The following STAB2 variants were observed in gnomAD, a reference collection of about 807,000 sequenced individuals.
STAB2 encodes the protein stabilin 2.
STAB2 carries 288 observed loss-of-function variants against 338.1 expected under a neutral mutation model. The ratio of observed to expected loss-of-function variants is 0.85; its 90% CI spans 0.77 to 0.94. The LOEUF is 0.94. STAB2 is among the 40% of genes least tolerant of loss of function. STAB2 has a pLI of 0.00. For synonymous variants in STAB2, 1,202 were observed against 1,193.3 expected, an observed-to-expected ratio of 1.01 and a Z score of -0.15; for missense variants, 3,141 against 3,210.1, an observed-to-expected ratio of 0.98 and a Z score of 0.52.
intron 68 of STAB2, 81 bp downstream of exon 68, chr12:103,763,689 C>A: frequency 2.4e-6 from 3 of 1,260,130 alleles, no homozygotes; most frequent in Non-Finnish European, 2.3e-6. Context: ...CAGTGGAGAT[C>A]TTTGTACCAA....
chr12:103,655,855 G>GTTGGT (rs1222332760), intron 15 of STAB2, among the ~76,000 whole-genome samples: 1 of 152,150 alleles, frequency 6.6e-6, no homozygotes, highest in East Asian at 1.9e-4. Context: ...GGCCTAAATG[G>GTTGGT]TTGGTTTGAT....
chr12:103,730,560 G>T (rs1316751100), intron 49 of STAB2, among the ~76,000 whole-genome samples: 1 of 152,160 alleles, frequency 6.6e-6, no homozygotes, highest in Admixed American at 6.5e-5. Context: ...TAAATTGACA[G>T]AAAATGTAAT....
In STAB2 at chr12:103,725,056, A is replaced by G. The variant is rs745609825; in HGVS notation, c.4765A>G (p.Ile1589Val). 13 of 1,613,710 alleles carry G rather than the reference A, an allele frequency of 8.1e-6. No individual in the cohort carries two copies. In the East Asian group the frequency reaches 2.5e-4, roughly 30 times the overall value. The part of the protein sequence containing the change: ...ERTCTCKPNY[I>V]GDGFTCRGSI... Reference sequence around the variant, plus strand: ...GACTTGTACTTGCAAGCCAAACTACATTGGAGATGGATTTACCTGCCGCGG... The same window carrying G: ...GACTTGTACTTGCAAGCCAAACTACGTTGGAGATGGATTTACCTGCCGCGG... Residue 1589 changes from isoleucine to valine, a missense_variant, in exon 45 of 69, where the codon ATT (isoleucine) becomes GTT (valine). Ile to Val is a conservative substitution (Grantham distance 29). Transcript: ENST00000388887.
chr12:103,705,650 T>G lies in STAB2; in HGVS notation c.3919T>G (p.Cys1307Gly). The G allele has an allele frequency of 1.9e-6, 3 of 1,614,198 alleles. No homozygotes were observed. The highest frequency in any genetic ancestry group is 2.5e-6 in the Non-Finnish European group (3 of 1,180,018). The change falls in exon 37 of 69, where the codon TGC (cysteine) becomes GGC (glycine). Residue 1307 changes from cysteine (C) to glycine (G), a missense_variant. By Grantham distance (159) the Cys-to-Gly change is radical (BLOSUM62 -3). Coordinates refer to ENST00000388887, the MANE Select transcript of STAB2 (RefSeq NM_017564.10). ...TKSLGNEKRR[C>G]IYTSYFMGRR... ...TTCACAGGGTAATGAGAAGAGGAGA[T>G]GCATCTATACCTCCTATTTCATGGG... is the stretch of plus-strand genomic sequence containing the variant.
Position 103,620,499 on chromosome 12 carries a change from T to A in STAB2, c.363T>A (p.Asn121Lys). ...CAGGTGGAGCGGGGTCACCCTGCAA[T>A]GGCAGAGGCAGTTGTGCTGAAGGCA... is the stretch of plus-strand genomic sequence containing the variant. ...ECPGGAGSPC[N>K]GRGSCAEGME... The change falls in exon 4 of 69, where the codon AAT becomes AAA. Residue 121 changes from asparagine (N) to lysine (K), a missense_variant. Coordinates refer to ENST00000388887, the MANE Select transcript of STAB2 (RefSeq NM_017564.10). 6.3e-7 allele frequency: 1 copy of A among 1,585,052 alleles called. No homozygotes were observed. Among genetic ancestry groups the A allele is most frequent in the Non-Finnish European group, 8.6e-7 (1 of 1,164,226 alleles).
chr12:103,648,975 G>A, intron 10 of STAB2, 152 bp downstream of exon 10: 2 of 1,047,606 alleles, frequency 1.9e-6, no homozygotes, highest in Non-Finnish European at 1.4e-6. Flanking sequence ...GAAAGGGCAG[G>A]CAGCTGTTTC....
At chr12:103,697,478 T>C (rs557345444) in intron 33 of STAB2, among the ~76,000 whole-genome samples, 1 of 152,378 alleles carries the variant, frequency 6.6e-6, no homozygotes, top group East Asian at 1.9e-4. Context: ...CAAAAAGTCC[T>C]ATAATCACCT....
chr12:103,755,841 C>A lies in STAB2; in HGVS notation c.6987+123C>A, dbSNP rs149012935. On this transcript the variant is annotated intron_variant, in intron 63 of 68. Transcript: ENST00000388887. ...AGTTAAGAGCATGGGTGCTGGACCA[C>A]CTTGCCTGAATCTAAAGCCTAGTTT... is the stretch of plus-strand genomic sequence containing the variant. 83 of 865,946 alleles carry A rather than the reference C, an allele frequency of 9.6e-5. 1 individual carries two copies. Among genetic ancestry groups the A allele is most frequent in the South Asian group, 3.4e-4 (21 of 61,584 alleles). The allele number at this position is 865,946 out of a possible 1,614,324, so 53.6% of individuals were successfully genotyped here.
At chr12:103,730,056 A>G in intron 48 of STAB2, 60 bp from the exon 49 acceptor site, 1 of 1,488,464 alleles carries the variant, frequency 6.7e-7, no homozygotes, top group Non-Finnish European at 8.9e-7. Context: ...TTCTGTGAGA[A>G]GCAATTTTGT....
At chr12:103,673,812 T>C in intron 22 of STAB2, 95 bp from the exon 23 acceptor site, 1 of 1,306,258 alleles carries the variant, frequency 7.7e-7, no homozygotes, top group Non-Finnish European at 1.0e-6. Flanking sequence ...GAGTGGGGGG[T>C]GAGAAGAGGT....
Position 103,693,773 on chromosome 12 carries a change from A to G in STAB2, c.3375+884A>G, listed in dbSNP as rs75592349. On this transcript the variant is annotated intron_variant, in intron 31 of 68. Transcript: ENST00000388887. Reference sequence around the variant, plus strand: ...ATATTAGGATCTTCATTTAAAATGAAAGTTGCAAGTTGGAATTTAGGGTAC... The same window carrying G: ...ATATTAGGATCTTCATTTAAAATGAGAGTTGCAAGTTGGAATTTAGGGTAC... Among the ~76,000 whole-genome samples, 362 of 152,330 alleles carry G rather than the reference A, an allele frequency of 2.4e-3. 9 individuals carry two copies. In the East Asian group the frequency reaches 0.067, roughly 28 times the overall value.
intron 36 of STAB2, among the ~76,000 whole-genome samples, chr12:103,705,240 T>C (rs1420785795): frequency 6.6e-6 from 1 of 152,236 alleles, no homozygotes; most frequent in Non-Finnish European, 1.5e-5. Context: ...TTATAATCTT[T>C]GTATGCAGCC....
intron 1 of STAB2, 22 bp downstream of exon 1, chr12:103,587,579 T>C (rs1565945721): frequency 6.3e-7 from 1 of 1,599,986 alleles, no homozygotes; most frequent in East Asian, 2.2e-5. Flanking sequence ...CTTACATATT[T>C]TTTTCATTTG....
chr12:103,601,713 C>T (rs1956957204), intron 3 of STAB2, among the ~76,000 whole-genome samples: 1 of 152,122 alleles, frequency 6.6e-6, no homozygotes, highest in African/African-American at 2.4e-5. Context: ...TATTTTCTTG[C>T]AACTATATTA....
chr12:103,753,163 G>A, intron 60 of STAB2, 57 bp from the exon 61 acceptor site: 1 of 1,601,428 alleles, frequency 6.2e-7, no homozygotes, highest in South Asian at 1.1e-5. Context: ...GTCCATTGTT[G>A]GAAACACTGC....
At chr12:103,591,789 A>C (rs1956801954) in intron 2 of STAB2, among the ~76,000 whole-genome samples, 1 of 152,200 alleles carries the variant, frequency 6.6e-6, no homozygotes, top group South Asian at 2.1e-4. Context: ...CTGATAACTC[A>C]AGGCTAATTC....
chr12:103,661,010 T>C (rs553910555), intron 17 of STAB2, among the ~76,000 whole-genome samples: 2 of 152,192 alleles, frequency 1.3e-5, no homozygotes, highest in Non-Finnish European at 2.9e-5. Context: ...AGACAGACTT[T>C]AAATAACTCA....
At chr12:103,660,523 C>T (rs575075811) in intron 16 of STAB2, 139 bp downstream of exon 16, 2 of 1,259,520 alleles carry the variant, frequency 1.6e-6, no homozygotes, top group South Asian at 2.4e-5. Flanking sequence ...ACAATGAGTC[C>T]ATTATCAGAG....
intron 42 of STAB2, among the ~76,000 whole-genome samples, chr12:103,714,419 G>C (rs938248218): frequency 6.6e-6 from 1 of 152,064 alleles, no homozygotes; most frequent in African/African-American, 2.4e-5. Flanking sequence ...TTTAGCCCTG[G>C]CTGGGCGCAG....
Sources: gnomAD v4.1 joint callset for allele counts (sites outside exome capture counted in the v4.1 genomes callset) on GRCh38, gnomAD v4.1.1 for gene constraint, MANE v1.5 for transcripts, NCBI Gene and HGNC (gene_info 2026-07-23, HGNC 2026-07-21) for gene names.